Variants in RNGTT observed in about 807,000 individuals in gnomAD.
The protein encoded by RNGTT is RNA guanylyltransferase and 5'-phosphatase.
In RNGTT, 33 loss-of-function variants were observed where a neutral mutation model predicts 79.3. The observed-to-expected ratio is 0.42, with a 90% CI of 0.32 to 0.56. RNGTT has a LOEUF of 0.56. RNGTT is among the 20% of genes least tolerant of loss of function. RNGTT has a pLI of 0.17. For missense variants in RNGTT, 497 were observed against 739.1 expected (o/e 0.67, Z 3.80); for synonymous variants, 222 against 235.9 (o/e 0.94, Z 0.54).
At chr6:88,699,553 C>A (rs1775873604) in intron 13 of RNGTT, among the ~76,000 whole-genome samples, 1 of 152,096 alleles carries the variant, frequency 6.6e-6, no homozygotes, top group Non-Finnish European at 1.5e-5. Context: ...CATGGTGGCA[C>A]ACGCCTGTAG....
chr6:88,713,300 A>C (rs1051803800), intron 13 of RNGTT, among the ~76,000 whole-genome samples: 2 of 152,126 alleles, frequency 1.3e-5, no homozygotes, highest in African/African-American at 4.8e-5. Context: ...CCATGCTGGC[A>C]CCCTAATTTT....
chr6:88,829,717 A>AC lies in RNGTT; in HGVS notation c.1269+14639_1269+14640insG, dbSNP rs1401045792. Among the ~76,000 whole-genome samples, 38 of 150,662 alleles carry AC rather than the reference A, an allele frequency of 2.5e-4. 2 individuals are homozygous for AC. Among genetic ancestry groups the AC allele is most frequent in the African/African-American group, 8.8e-4 (36 of 40,780 alleles). On this transcript the variant is annotated intron_variant, in intron 11 of 15. Coordinates refer to ENST00000369485, the MANE Select transcript of RNGTT (RefSeq NM_003800.5). ...AATGGAAAGCAAAAAAAAAAAAAAA[A>AC]AAAAAAACCAGGGGTTGCAATCCTA...
chr6:88,672,519 A>G (rs1489996076), intron 14 of RNGTT, among the ~76,000 whole-genome samples: 1 of 152,178 alleles, frequency 6.6e-6, no homozygotes, highest in Non-Finnish European at 1.5e-5. Context: ...ATGCAAAGCC[A>G]TAAGAATGAT....
intron 13 of RNGTT, among the ~76,000 whole-genome samples, chr6:88,707,725 TAAAA>T (rs60313151): frequency 8.1e-6 from 1 of 123,558 alleles, no homozygotes; most frequent in African/African-American, 3.1e-5. Flanking sequence ...TCCCTAACAT[TAAAA>T]AAAAAAAAAA....
At chr6:88,737,242 T>C (rs900128498) in intron 13 of RNGTT, among the ~76,000 whole-genome samples, 1 of 152,216 alleles carries the variant, frequency 6.6e-6, no homozygotes, top group African/African-American at 2.4e-5. Context: ...AGAATGGGAA[T>C]GTTTATCCTA....
intron 13 of RNGTT, among the ~76,000 whole-genome samples, chr6:88,683,762 C>G (rs1230177335): frequency 6.6e-6 from 1 of 152,122 alleles, no homozygotes; most frequent in East Asian, 1.9e-4. Flanking sequence ...TGCCTGTAAT[C>G]CCAGCACTCT....
At chr6:88,773,527 AGAATT>A (rs1458989199) in intron 12 of RNGTT, among the ~76,000 whole-genome samples, 3 of 151,860 alleles carry the variant, frequency 2.0e-5, no homozygotes, top group Admixed American at 6.5e-5. Flanking sequence ...AAAAAAGAAA[AGAATT>A]GAAAGAGTCA....
chr6:88,705,613 A>G (rs1288908458), intron 13 of RNGTT, among the ~76,000 whole-genome samples: 1 of 152,130 alleles, frequency 6.6e-6, no homozygotes, highest in African/African-American at 2.4e-5. Context: ...TTAGTTCAAG[A>G]AAAAGAAACC....
intron 1 of RNGTT, among the ~76,000 whole-genome samples, chr6:88,958,700 C>A (rs1785513919): frequency 6.6e-6 from 1 of 152,084 alleles, no homozygotes; most frequent in Admixed American, 6.5e-5. Context: ...ATTAAAATAT[C>A]AAAAAATATT....
chr6:88,673,618 T>C (rs954041187), intron 14 of RNGTT, among the ~76,000 whole-genome samples: 5 of 152,112 alleles, frequency 3.3e-5, no homozygotes, highest in Admixed American at 3.3e-4. Context: ...CACCCTAAAA[T>C]CATGAACTTT....
intron 11 of RNGTT, among the ~76,000 whole-genome samples, chr6:88,830,624 C>CA (rs1201466217): frequency 4.0e-5 from 6 of 150,928 alleles, no homozygotes; most frequent in Non-Finnish European, 7.4e-5. Flanking sequence ...AAAAACCCTT[C>CA]AAAAAAAGTC....
intron 1 of RNGTT, among the ~76,000 whole-genome samples, chr6:88,949,209 AGTGCTACTCCAGTGAACACAC>A: frequency 6.8e-6 from 1 of 147,678 alleles, no homozygotes; most frequent in Non-Finnish European, 1.5e-5. Flanking sequence ...GGCTGTTACA[AGTGCTACTCCAGTGAACACAC>A]AAATGATAAA....
At chr6:88,643,529 C>A (rs1330573193) in intron 14 of RNGTT, among the ~76,000 whole-genome samples, 1 of 152,192 alleles carries the variant, frequency 6.6e-6, no homozygotes, top group Non-Finnish European at 1.5e-5. Context: ...AACTCTCCAC[C>A]CCAAATCAAC....
At chr6:88,864,735 A>T (rs1221167531) in intron 8 of RNGTT, among the ~76,000 whole-genome samples, 1 of 152,138 alleles carries the variant, frequency 6.6e-6, no homozygotes, top group African/African-American at 2.4e-5. Context: ...TGCAGCATAT[A>T]CATAAAATGG....
chr6:88,901,780 A>C (rs771874564), intron 6 of RNGTT, among the ~76,000 whole-genome samples: 5 of 152,142 alleles, frequency 3.3e-5, no homozygotes, highest in Non-Finnish European at 7.4e-5. Context: ...TTCAGGCGTG[A>C]GCCACTGCGC....
At chr6:88,683,114 T>C (rs551404518) in intron 13 of RNGTT, among the ~76,000 whole-genome samples, 3 of 152,054 alleles carry the variant, frequency 2.0e-5, no homozygotes, top group Admixed American at 6.6e-5. Flanking sequence ...CCAACAAAAA[T>C]AGAAGCAAAG....
intron 8 of RNGTT, among the ~76,000 whole-genome samples, chr6:88,864,169 A>G (rs2127915742): frequency 6.6e-6 from 1 of 152,204 alleles, no homozygotes; most frequent in South Asian, 2.1e-4. Flanking sequence ...GTCCTAGTCA[A>G]AGCACTCTAT....
At chr6:88,895,477 C>T (rs1783208492) in intron 6 of RNGTT, among the ~76,000 whole-genome samples, 1 of 152,040 alleles carries the variant, frequency 6.6e-6, no homozygotes, top group African/African-American at 2.4e-5. Flanking sequence ...AGGGGCCAAG[C>T]ACAGCATCGG....
rs765402580 is a variant in RNGTT, at chr6:88,844,423, A to G, written c.1203T>C (p.Ile401=). 3 of 1,614,086 alleles carry G rather than the reference A, an allele frequency of 1.9e-6. No homozygotes were observed. The East Asian group carries it at 6.7e-5, about 36-fold the overall frequency. Reference sequence around the variant, plus strand: ...CGCTAAATGGTTCCTGTGTTTTGTCAATGAGCCCAGTCTTCATTTTTTCGT... The same window carrying G: ...CGCTAAATGGTTCCTGTGTTTTGTCGATGAGCCCAGTCTTCATTTTTTCGT... The part of the protein sequence containing the change: ...PRHEKMKTGL[I]DKTQEPFSVR... The change falls in exon 11 of 16, where the codon ATT becomes ATC. Residue 401 remains isoleucine (I), a synonymous_variant. Coordinates refer to ENST00000369485, the MANE Select transcript of RNGTT (RefSeq NM_003800.5).
Sources: gnomAD v4.1 joint callset for allele counts (sites outside exome capture counted in the v4.1 genomes callset) on GRCh38, gnomAD v4.1.1 for gene constraint, MANE v1.5 for transcripts, NCBI Gene and HGNC (gene_info 2026-07-23, HGNC 2026-07-21) for gene names.